LIMCH1: variants seen among roughly 807,000 people sequenced by gnomAD.
LIMCH1 encodes LIM and calponin homology domains 1.
Under a neutral mutation model 176.5 loss-of-function variants are expected in LIMCH1, and 113 were observed. The ratio of observed to expected loss-of-function variants is 0.64; its 90% CI spans 0.55 to 0.75. The LOEUF (loss-of-function observed/expected upper bound fraction) is 0.75. Among genes scored for constraint, LIMCH1 ranks in the 30% least tolerant of loss-of-function variants. The pLI is 0.00. For synonymous variants in LIMCH1, 619 were observed against 645.9 expected, an observed-to-expected ratio of 0.96 and a Z score of 0.63; for missense variants, 1,674 against 1,814.9, an observed-to-expected ratio of 0.92 and a Z score of 1.41.
At position 41,607,810 on chromosome 4, in the gene LIMCH1, G is replaced by A. The variant is rs991482907; in HGVS notation, c.9+1806G>A. Among the ~76,000 whole-genome samples the A allele has an allele frequency of 4.5e-4, 68 of 152,266 alleles. 1 individual carries two copies. Among genetic ancestry groups the A allele is most frequent in the African/African-American group, 1.6e-3 (66 of 41,548 alleles). ...GTAGGTAACATCACAGGACATGGTG[G>A]AGTAAGTAGTATCCCTGGATACATG... is the stretch of plus-strand genomic sequence containing the variant. On this transcript the variant is annotated intron_variant, in intron 4 of 31. Transcript: ENST00000503057.
chr4:41,564,412 T>C (rs1276179539), intron 1 of LIMCH1, among the ~76,000 whole-genome samples: 1 of 152,220 alleles, frequency 6.6e-6, no homozygotes, highest in Non-Finnish European at 1.5e-5. Context: ...TTGCCTGCTA[T>C]TTGGGAACAT....
intron 1 of LIMCH1, among the ~76,000 whole-genome samples, chr4:41,402,896 C>T (rs912848008): frequency 1.3e-5 from 2 of 150,772 alleles, no homozygotes; most frequent in African/African-American, 2.4e-5. Context: ...TTAATGGGTG[C>T]AGCACACCAG....
chr4:41,673,625 G>A (rs1435393285), intron 22 of LIMCH1, among the ~76,000 whole-genome samples: 2 of 152,030 alleles, frequency 1.3e-5, no homozygotes, highest in African/African-American at 4.8e-5. Flanking sequence ...AGAGGCCCTC[G>A]GGACTATGAA....
At chr4:41,650,694 T>A in intron 18 of LIMCH1, 86 bp downstream of exon 18, 1 of 1,128,016 alleles carries the variant, frequency 8.9e-7, no homozygotes, top group Admixed American at 2.5e-5. Flanking sequence ...GTCATGATAA[T>A]GACCATTTCT....
intron 1 of LIMCH1, among the ~76,000 whole-genome samples, chr4:41,428,707 T>G (rs1014729999): frequency 1.3e-5 from 2 of 152,146 alleles, no homozygotes; most frequent in African/African-American, 4.8e-5. Context: ...CCATTTTTAG[T>G]GGAGTGCTGT....
intron 26 of LIMCH1, among the ~76,000 whole-genome samples, chr4:41,683,096 G>C (rs1455518404): frequency 6.6e-6 from 1 of 152,130 alleles, no homozygotes; most frequent in Non-Finnish European, 1.5e-5. Context: ...TGATGAATGT[G>C]TCTGGAGTGA....
At chr4:41,504,314 C>A (rs1387035858) in intron 2 of LIMCH1, among the ~76,000 whole-genome samples, 5 of 152,200 alleles carry the variant, frequency 3.3e-5, no homozygotes, top group African/African-American at 1.2e-4. Context: ...TTAACCATTT[C>A]TTCCAGGAGG....
intron 2 of LIMCH1, among the ~76,000 whole-genome samples, chr4:41,500,468 T>C (rs1404788261): frequency 2.0e-5 from 3 of 152,318 alleles, no homozygotes; most frequent in African/African-American, 4.8e-5. Flanking sequence ...ACGAATGAGG[T>C]AAGTGATAAT....
At chr4:41,629,445 T>A in intron 8 of LIMCH1, 47 bp from the exon 9 acceptor site, 3 of 1,529,224 alleles carry the variant, frequency 2.0e-6, no homozygotes, top group Non-Finnish European at 2.6e-6. Flanking sequence ...TCCCCTTCCT[T>A]GAACTTGATT....
At chr4:41,377,419 G>A (rs2054928974) in intron 1 of LIMCH1, among the ~76,000 whole-genome samples, 1 of 152,202 alleles carries the variant, frequency 6.6e-6, no homozygotes, top group Admixed American at 6.5e-5. Flanking sequence ...CAAAGTCAGT[G>A]GGGCAGGAAA....
chr4:41,461,455 GA>G (rs2065360945), intron 1 of LIMCH1, among the ~76,000 whole-genome samples: 1 of 152,182 alleles, frequency 6.6e-6, no homozygotes. Context: ...AAAAGAAGAA[GA>G]TAAAAAACAT....
At chr4:41,456,641 T>C (rs1029877195) in intron 1 of LIMCH1, among the ~76,000 whole-genome samples, 1 of 152,206 alleles carries the variant, frequency 6.6e-6, no homozygotes, top group Non-Finnish European at 1.5e-5. Context: ...TGCAAAATAA[T>C]TGTGCTTTTT....
chr4:41,494,701 T>A, intron 2 of LIMCH1: 1 of 832,722 alleles, frequency 1.2e-6, no homozygotes, highest in Non-Finnish European at 1.9e-6. Flanking sequence ...GTTTTGAATT[T>A]ATTCACAGTT....
At chr4:41,509,461 T>A (rs2074577804) in intron 2 of LIMCH1, among the ~76,000 whole-genome samples, 1 of 152,194 alleles carries the variant, frequency 6.6e-6, no homozygotes, top group African/African-American at 2.4e-5. Context: ...GGGAAGAATT[T>A]GATAGACTTT....
At chr4:41,584,390 AT>A (rs1420842484) in intron 1 of LIMCH1, among the ~76,000 whole-genome samples, 1 of 152,236 alleles carries the variant, frequency 6.6e-6, no homozygotes. Flanking sequence ...TGATGTGAAA[AT>A]ACAAACTGTG....
intron 21 of LIMCH1, among the ~76,000 whole-genome samples, chr4:41,667,213 A>C (rs894749247): frequency 1.3e-5 from 2 of 152,224 alleles, no homozygotes; most frequent in Non-Finnish European, 2.9e-5. Context: ...TGTTAATTCT[A>C]GTCTTCATAA....
intron 26 of LIMCH1, among the ~76,000 whole-genome samples, chr4:41,682,692 T>A (rs577207190): frequency 6.7e-6 from 1 of 150,306 alleles, no homozygotes; most frequent in Admixed American, 6.6e-5. Flanking sequence ...TTTTTTTTTT[T>A]GCTTGAGACG....
chr4:41,637,896 G>A (rs2093658363), intron 13 of LIMCH1, among the ~76,000 whole-genome samples: 1 of 152,170 alleles, frequency 6.6e-6, no homozygotes, highest in Non-Finnish European at 1.5e-5. Context: ...ATAAACTATT[G>A]TGAAACTGAT....
intron 1 of LIMCH1, among the ~76,000 whole-genome samples, chr4:41,547,342 C>T (rs2079591514): frequency 6.6e-6 from 1 of 151,966 alleles, no homozygotes; most frequent in Admixed American, 6.6e-5. Context: ...CTCCGGTAAC[C>T]CCCATTCTAC....
Sources: gnomAD v4.1 joint callset for allele counts (sites outside exome capture counted in the v4.1 genomes callset) on GRCh38, gnomAD v4.1.1 for gene constraint, MANE v1.5 for transcripts, NCBI Gene and HGNC (gene_info 2026-07-23, HGNC 2026-07-21) for gene names.